STK33: variants seen among roughly 807,000 people sequenced by gnomAD.
STK33 encodes serine/threonine kinase 33.
STK33 carries 52 observed loss-of-function variants against 58.0 expected under a neutral mutation model. That is an observed-to-expected ratio of 0.90 (90% confidence interval 0.72 to 1.13). The LOEUF is 1.13. Ranked by LOEUF, STK33 falls within the 50% of genes most tolerant of loss-of-function variation. The pLI is 0.00. For missense variants in STK33, 630 were observed against 604.2 expected, an observed-to-expected ratio of 1.04 and a Z score of -0.45; for synonymous variants, 215 against 200.1, an observed-to-expected ratio of 1.07 and a Z score of -0.63.
intron 15 of STK33, among the ~76,000 whole-genome samples, chr11:8,407,886 T>C (rs1234974923): frequency 6.6e-6 from 1 of 152,124 alleles, no homozygotes; most frequent in Non-Finnish European, 1.5e-5. Flanking sequence ...CGCTTAGCAA[T>C]AGCATTGTTA....
the STK33 span, among the ~76,000 whole-genome samples, chr11:8,379,501 C>T: frequency 3.3e-5 from 5 of 151,956 alleles, no homozygotes; most frequent in African/African-American, 4.8e-5. Context: ...ACAGACATTT[C>T]TCAAAGGAAG....
chr11:8,387,132 G>C (rs993615399), downstream of STK33, among the ~76,000 whole-genome samples: 5 of 152,140 alleles, frequency 3.3e-5, no homozygotes, highest in Non-Finnish European at 5.9e-5. Context: ...CTTGAGTCTC[G>C]ACCAAATTCG....
At chr11:8,487,849 C>G (rs1950298062) in intron 1 of STK33, among the ~76,000 whole-genome samples, 2 of 152,140 alleles carry the variant, frequency 1.3e-5, no homozygotes, top group African/African-American at 4.8e-5. Context: ...TTTCATAACT[C>G]TAGATATTAA....
the STK33 span, among the ~76,000 whole-genome samples, chr11:8,366,406 G>T: frequency 6.6e-6 from 1 of 152,232 alleles, no homozygotes; most frequent in Non-Finnish European, 1.5e-5. Flanking sequence ...AGCCCCACAG[G>T]AGACGGTTAG....
intron 1 of STK33, among the ~76,000 whole-genome samples, chr11:8,527,563 A>C: frequency 6.6e-6 from 1 of 152,208 alleles, no homozygotes; most frequent in African/African-American, 2.4e-5. Context: ...ACAGTTCACA[A>C]GTAAGCTGTT....
At chr11:8,568,492 T>C (rs1019107385) in intron 1 of STK33, among the ~76,000 whole-genome samples, 13 of 152,172 alleles carry the variant, frequency 8.5e-5, no homozygotes, top group African/African-American at 2.7e-4. Context: ...ATCAGACATA[T>C]TGTAACATAA....
intron 9 of STK33, among the ~76,000 whole-genome samples, chr11:8,455,226 T>C (rs1946702567): frequency 6.6e-6 from 1 of 152,198 alleles, no homozygotes; most frequent in South Asian, 2.1e-4. Context: ...CTTCTATGCA[T>C]ATGTTACTGT....
At chr11:8,483,196 G>A (rs770624727) in intron 1 of STK33, among the ~76,000 whole-genome samples, 31 of 151,630 alleles carry the variant, frequency 2.0e-4, no homozygotes, top group Non-Finnish European at 4.0e-4. Flanking sequence ...CACAAGGAAT[G>A]AGTTAGAGTT....
chr11:8,520,472 T>C (rs879093757), intron 1 of STK33, among the ~76,000 whole-genome samples: 6 of 152,174 alleles, frequency 3.9e-5, no homozygotes, highest in Admixed American at 6.5e-5. Context: ...CTATTTAACA[T>C]AGTGTTGGAA....
chr11:8,580,530 G>C (rs1282749437), intron 1 of STK33, among the ~76,000 whole-genome samples: 1 of 151,988 alleles, frequency 6.6e-6, no homozygotes, highest in Non-Finnish European at 1.5e-5. Flanking sequence ...CAAAGAAATA[G>C]AACAAATGAA....
rs190104063 is a variant in STK33, at chr11:8,396,857, G to A, written c.1345-4147C>T. 1.2e-3 allele frequency among the ~76,000 whole-genome samples: 178 copies of A among 152,214 alleles called. 5 individuals carry two copies. In the East Asian group the frequency reaches 0.032, roughly 27 times the overall value. On this transcript the variant is annotated intron_variant, in intron 15 of 15. Coordinates refer to ENST00000687296, the MANE Select transcript of STK33 (RefSeq NM_001352389.2). ...GAGGGTCCTACACCCATGGAGCCTCGCTCATTGCTAGCACAGCAGTCTGAG... is the reference window on the plus strand; with the variant it reads ...GAGGGTCCTACACCCATGGAGCCTCACTCATTGCTAGCACAGCAGTCTGAG...
At chr11:8,420,450 G>A (rs1941750940) in intron 14 of STK33, among the ~76,000 whole-genome samples, 1 of 152,170 alleles carries the variant, frequency 6.6e-6, no homozygotes, top group Non-Finnish European at 1.5e-5. Flanking sequence ...TTCCAGAAGT[G>A]CATTTCGAAT....
At chr11:8,510,718 G>A (rs748113886) in intron 1 of STK33, among the ~76,000 whole-genome samples, 12 of 152,056 alleles carry the variant, frequency 7.9e-5, no homozygotes, top group Non-Finnish European at 1.6e-4. Flanking sequence ...TCTTCTACAT[G>A]TGGCTTGCCA....
At chr11:8,475,681 T>C (rs1300850068) in intron 4 of STK33, 1 of 152,184 alleles carries the variant, frequency 6.6e-6, no homozygotes, top group African/African-American at 2.4e-5. Context: ...AAAATAGGTA[T>C]GGCAGCATTT....
intron 1 of STK33, among the ~76,000 whole-genome samples, chr11:8,517,684 G>A (rs1467094010): frequency 3.3e-5 from 5 of 152,152 alleles, no homozygotes; most frequent in African/African-American, 9.7e-5. Flanking sequence ...TGAGAACTAC[G>A]TGACGCATGC....
At chr11:8,487,931 G>A (rs371048671) in intron 1 of STK33, among the ~76,000 whole-genome samples, 3 of 152,164 alleles carry the variant, frequency 2.0e-5, no homozygotes, top group African/African-American at 4.8e-5. Context: ...AACAAGCTTC[G>A]TGGCATTTTA....
chr11:8,449,425 C>T (rs1031929137), intron 11 of STK33, among the ~76,000 whole-genome samples: 2 of 151,634 alleles, frequency 1.3e-5, no homozygotes, highest in Non-Finnish European at 2.9e-5. Context: ...AAATGTGGCA[C>T]ATATACACTA....
At chr11:8,458,982 CA>C (rs530700283) in intron 8 of STK33, among the ~76,000 whole-genome samples, 144 of 152,258 alleles carry the variant, frequency 9.5e-4, no homozygotes, top group Admixed American at 1.6e-3. Flanking sequence ...AAAGTAACTG[CA>C]AAATCTAACA....
the STK33 span, among the ~76,000 whole-genome samples, chr11:8,380,442 C>T: frequency 7.2e-5 from 11 of 151,990 alleles, no homozygotes; most frequent in Non-Finnish European, 7.4e-5. Flanking sequence ...CACCTGTAAT[C>T]CCAGCTACTC....
Sources: gnomAD v4.1 joint callset for allele counts (sites outside exome capture counted in the v4.1 genomes callset) on GRCh38, gnomAD v4.1.1 for gene constraint, MANE v1.5 for transcripts, NCBI Gene and HGNC (gene_info 2026-07-23, HGNC 2026-07-21) for gene names.